SMC1A: variants seen among roughly 807,000 people sequenced by gnomAD.
The protein encoded by SMC1A is structural maintenance of chromosomes protein 1A.
In SMC1A, 4 loss-of-function variants were observed where a neutral mutation model predicts 94.5. The observed-to-expected ratio is 0.04, with a 90% CI of 0.02 to 0.10. The LOEUF (loss-of-function observed/expected upper bound fraction) is 0.10. SMC1A is among the 10% of genes least tolerant of loss of function. The probability of loss-of-function intolerance (pLI) is 1.00; values close to 1 mark genes in which losing one functional copy is unlikely to be tolerated. For synonymous variants in SMC1A, 345 were observed against 347.7 expected (o/e 0.99, Z 0.09); for missense variants, 304 against 989.0 (o/e 0.31, Z 9.29).
chrX:53,408,094 C>T (rs188541221), intron 9 of SMC1A, among the ~76,000 whole-genome samples: 49 of 111,784 alleles, frequency 4.4e-4, no homozygotes, highest in African/African-American at 1.5e-3. Context: ...TTTGGGAGGC[C>T]GAGGCGGGCA....
rs1235121950 is a variant in SMC1A at position 53,378,151 on chromosome X, T to C, written c.*1952A>G. The C allele has an allele frequency of 1.8e-5, 2 of 111,704 alleles. No homozygotes were observed. Among genetic ancestry groups the C allele is most frequent in the Non-Finnish European group, 3.8e-5 (2 of 53,134 alleles). The allele number at this position is 111,704 out of a possible 1,213,427, so 9.2% of individuals were successfully genotyped here. A position where few individuals can be genotyped will look rare whatever the true frequency, so the allele number is the denominator to read the frequency against. On this transcript the variant is annotated 3_prime_UTR_variant, in exon 25 of 25. Transcript: ENST00000322213. ...TGAGTAAATAGTACAGGAGGGCAATTTGGAAGTATTATTAAAAACCAATAT... is the reference window on the plus strand; with the variant it reads ...TGAGTAAATAGTACAGGAGGGCAATCTGGAAGTATTATTAAAAACCAATAT...
intron 1 of SMC1A, chrX:53,422,135 C>T (rs2075760800): frequency 1.0e-6 from 1 of 988,079 alleles, no homozygotes; most frequent in African/African-American, 1.9e-5. Context: ...GCTGGGAAGC[C>T]GGCTCCGGCC....
chrX:53,403,919 A>C, intron 13 of SMC1A, 26 bp from the exon 14 acceptor site: 1 of 1,059,616 alleles, frequency 9.4e-7, no homozygotes, highest in Non-Finnish European at 1.3e-6. Flanking sequence ...TGAGAGGACA[A>C]AGCAGACCAG....
At chrX:53,392,306 C>G (rs781945431) in intron 19 of SMC1A, among the ~76,000 whole-genome samples, 94 of 108,097 alleles carry the variant, frequency 8.7e-4, no homozygotes, top group Middle Eastern at 9.4e-3. Flanking sequence ...GAAGGAGAAT[C>G]GAGTGAACCT....
At chrX:53,413,706 A>G (rs1243838644) in intron 3 of SMC1A, among the ~76,000 whole-genome samples, 1 of 111,643 alleles carries the variant, frequency 9.0e-6, no homozygotes, top group Non-Finnish European at 1.9e-5. Context: ...TGATAGGGAT[A>G]TCTATCTCAG....
At chrX:53,389,866 T>G (rs1182738506) in intron 19 of SMC1A, among the ~76,000 whole-genome samples, 1 of 95,941 alleles carries the variant, frequency 1.0e-5, no homozygotes, top group Admixed American at 1.1e-4. Flanking sequence ...TTTTTTTTTT[T>G]TGAGACGGAG....
At position 53,392,012 on chromosome X, in the gene SMC1A, T is replaced by C. The variant is rs1038028250; in HGVS notation, c.2973+2766A>G. Among the ~76,000 whole-genome samples, 59 of 109,931 alleles carry C rather than the reference T, an allele frequency of 5.4e-4. 1 individual carries two copies. The highest frequency in any genetic ancestry group is 4.9e-4 in the Admixed American group (5 of 10,205). On this transcript the variant is annotated intron_variant, in intron 19 of 24. Coordinates refer to ENST00000322213, the MANE Select transcript of SMC1A (RefSeq NM_006306.4). ...TCATATGTCCCCTGGGGGAACAAAA[T>C]ATCTACCCTCTCAATGAGAACCACT...
At chrX:53,407,442 C>T (rs1435840294) in intron 9 of SMC1A, among the ~76,000 whole-genome samples, 1 of 112,682 alleles carries the variant, frequency 8.9e-6, no homozygotes, top group East Asian at 2.8e-4. Flanking sequence ...CTTATGCATC[C>T]ATCTGGCTGT....
chrX:53,422,222 G>A (rs1217952735), intron 1 of SMC1A, among the ~76,000 whole-genome samples: 4 of 112,404 alleles, frequency 3.6e-5, no homozygotes, highest in African/African-American at 9.7e-5. Flanking sequence ...TTGGCGGGAG[G>A]GGGAAGTAGG....
chrX:53,384,619 GC>G (rs1342447973), intron 19 of SMC1A, among the ~76,000 whole-genome samples: 1 of 110,839 alleles, frequency 9.0e-6, no homozygotes, highest in Non-Finnish European at 1.9e-5. Flanking sequence ...AGGGGAGGTT[GC>G]TCATGGTCCG....
chrX:53,380,539 C>T (rs2075578394), intron 24 of SMC1A, 81 bp downstream of exon 24: 1 of 653,264 alleles, frequency 1.5e-6, no homozygotes. Flanking sequence ...CACCTCCTTT[C>T]CCCTCCACTG....
At chrX:53,397,921 C>T (rs782742654) in intron 16 of SMC1A, among the ~76,000 whole-genome samples, 1 of 111,059 alleles carries the variant, frequency 9.0e-6, no homozygotes, top group Non-Finnish European at 1.9e-5. Flanking sequence ...CGTGGTGGCT[C>T]ACACCTGTAA....
Position 53,404,241 on chromosome X carries a change from A to G in SMC1A, c.2197-348T>C, listed in dbSNP as rs782157292. 2.7e-5 allele frequency among the ~76,000 whole-genome samples: 3 copies of G among 110,970 alleles called. No individual in the cohort carries two copies. The East Asian group carries it at 8.5e-4, about 31-fold the overall frequency. On this transcript the variant is annotated intron_variant, in intron 13 of 24. Coordinates refer to ENST00000322213, the MANE Select transcript of SMC1A (RefSeq NM_006306.4). ...AAAGATATATAAATACACACACTAC[A>G]TATAAAACCTCTAGGGCGGTCTGGG...
Position 53,397,729 on chromosome X carries a change from G to A in SMC1A, c.2563-1112C>T, listed in dbSNP as rs187541350. ...GACCGATGAATCTTGGTGATGGGTA[G>A]ATAGGAGTTCTTTGTACTATTCCTT... On this transcript the variant is annotated intron_variant, in intron 16 of 24. Transcript: ENST00000322213. 4.5e-5 allele frequency among the ~76,000 whole-genome samples: 5 copies of A among 112,065 alleles called. No individual in the cohort carries two copies. In the Admixed American group the frequency reaches 4.8e-4, roughly 11 times the overall value.
At chrX:53,408,268 T>C (rs1407641767) in intron 9 of SMC1A, among the ~76,000 whole-genome samples, 1 of 111,597 alleles carries the variant, frequency 9.0e-6, no homozygotes, top group Non-Finnish European at 1.9e-5. Context: ...GAGGCAGAGA[T>C]TGCAGTGAGC....
At chrX:53,385,570 C>T (rs1031354419) in intron 19 of SMC1A, among the ~76,000 whole-genome samples, 5 of 110,112 alleles carry the variant, frequency 4.5e-5, no homozygotes, top group South Asian at 3.9e-4. Flanking sequence ...CCACCGCGCC[C>T]GGCCCCAGGA....
At chrX:53,389,480 C>A (rs1465127617) in intron 19 of SMC1A, among the ~76,000 whole-genome samples, 1 of 111,331 alleles carries the variant, frequency 9.0e-6, no homozygotes, top group Non-Finnish European at 1.9e-5. Context: ...CCTGTAATCC[C>A]AACACTTCAG....
At chrX:53,412,822 T>A in intron 5 of SMC1A, 78 bp downstream of exon 5, 2 of 1,203,996 alleles carry the variant, frequency 1.7e-6, no homozygotes, top group Non-Finnish European at 2.2e-6. Flanking sequence ...GGTACTGAAC[T>A]CCGGGCTCAG....
chrX:53,405,659 T>C lies in SMC1A; in HGVS notation c.1745A>G (p.Asp582Gly). 1 of 1,211,712 alleles carries C rather than the reference T, an allele frequency of 8.3e-7. No homozygotes were observed. Residue 582 changes from aspartate to glycine, a missense_variant, in exon 11 of 25, where the codon GAT (aspartate) becomes GGT (glycine). Physicochemically the swap from Asp to Gly is moderately conservative, Grantham distance 94. Transcript: ENST00000322213. Reference sequence around the variant, plus strand: ...CCCCTTCAGCTCCCGGAGTTTCTCATCTGTAGGCTTCACCTGTGGGGAGAA... The same window carrying C: ...CCCCTTCAGCTCCCGGAGTTTCTCACCTGTAGGCTTCACCTGTGGGGAGAA... ...PLDYLEVKPT[D>G]EKLRELKGAK...
Sources: gnomAD v4.1 joint callset for allele counts (sites outside exome capture counted in the v4.1 genomes callset) on GRCh38, gnomAD v4.1.1 for gene constraint, MANE v1.5 for transcripts, NCBI Gene and HGNC (gene_info 2026-07-23, HGNC 2026-07-21) for gene names.